MARCHF1: variants seen among roughly 807,000 people sequenced by gnomAD.
MARCHF1 encodes the protein E3 ubiquitin-protein ligase MARCHF1.
MARCHF1 carries 40 observed loss-of-function variants against 54.2 expected under a neutral mutation model. The observed-to-expected ratio is 0.74, with a 90% CI of 0.57 to 0.96. The LOEUF is 0.96. MARCHF1 is among the 40% of genes least tolerant of loss of function. The probability of loss-of-function intolerance (pLI) is 0.00; values close to 1 mark genes in which losing one functional copy is unlikely to be tolerated. For missense variants in MARCHF1, 586 were observed against 656.5 expected (o/e 0.89, Z 1.17); for synonymous variants, 236 against 236.3 (o/e 1.00, Z 0.01).
chr4:163,984,355 A>C (rs1189983585), intron 3 of MARCHF1, among the ~76,000 whole-genome samples: 1 of 152,266 alleles, frequency 6.6e-6, no homozygotes, highest in Non-Finnish European at 1.5e-5. Flanking sequence ...TTTCTAAAGC[A>C]TGATAGCCAT....
chr4:164,123,950 C>T (rs975400582), intron 1 of MARCHF1, among the ~76,000 whole-genome samples: 7 of 151,944 alleles, frequency 4.6e-5, no homozygotes, highest in Non-Finnish European at 1.0e-4. Flanking sequence ...AAACAATCAA[C>T]AAAGTGAAGA....
rs145559712 is a variant in MARCHF1, at chr4:163,685,207, CT to C, written c.162+15605del. Among the ~76,000 whole-genome samples the C allele has an allele frequency of 4.5e-3, 672 of 148,320 alleles. 5 individuals carry two copies. Among genetic ancestry groups the C allele is most frequent in the African/African-American group, 0.015 (601 of 40,680 alleles). On this transcript the variant is annotated intron_variant, in intron 5 of 9. Transcript: ENST00000514618. ...ACAAAAAATATCTGGTTTTATTACA[CT>C]TTTTTTTTTGCATAAAGGTGCAGTT...
chr4:164,319,608 A>T (rs1236685036), intron 1 of MARCHF1, among the ~76,000 whole-genome samples: 1 of 152,170 alleles, frequency 6.6e-6, no homozygotes, highest in Non-Finnish European at 1.5e-5. Flanking sequence ...AATGTGAAAA[A>T]TGTCAGACCC....
At chr4:164,266,097 TGA>T (rs1733604366) in intron 1 of MARCHF1, among the ~76,000 whole-genome samples, 1 of 152,156 alleles carries the variant, frequency 6.6e-6, no homozygotes, top group Non-Finnish European at 1.5e-5. Context: ...ACTAAATAAA[TGA>T]ACAAGTGAAT....
chr4:164,215,751 C>T (rs1731912925), intron 1 of MARCHF1, among the ~76,000 whole-genome samples: 1 of 152,132 alleles, frequency 6.6e-6, no homozygotes, highest in Non-Finnish European at 1.5e-5. Context: ...AGCCAGAGCA[C>T]AAGGACAAAA....
intron 1 of MARCHF1, among the ~76,000 whole-genome samples, chr4:164,225,361 C>T (rs546002846): frequency 1.3e-5 from 2 of 152,140 alleles, no homozygotes; most frequent in East Asian, 3.9e-4. Context: ...CTCTAACTGC[C>T]TATTTCTATT....
Position 164,061,981 on chromosome 4 carries a change from A to G in MARCHF1, c.-248+49607T>C, listed in dbSNP as rs1208855115. On this transcript the variant is annotated intron_variant, in intron 2 of 9. Coordinates refer to ENST00000514618, the MANE Select transcript of MARCHF1 (RefSeq NM_001394959.1). Reference sequence around the variant, plus strand: ...TTCCTTTCATGAAAGATTATTCTGTAGTATGTGTTTGATAGAATTTTACCC... The same window carrying G: ...TTCCTTTCATGAAAGATTATTCTGTGGTATGTGTTTGATAGAATTTTACCC... 5.3e-5 allele frequency among the ~76,000 whole-genome samples: 8 copies of G among 152,290 alleles called. No individual in the cohort carries two copies. The East Asian group carries it at 1.5e-3, about 29-fold the overall frequency.
chr4:163,720,260 C>T (rs1400620629), intron 4 of MARCHF1, among the ~76,000 whole-genome samples: 1 of 152,166 alleles, frequency 6.6e-6, no homozygotes, highest in African/African-American at 2.4e-5. Context: ...AGCCAGTTTT[C>T]CCAGCACCAC....
chr4:164,210,022 A>G (rs1004171647), intron 1 of MARCHF1, among the ~76,000 whole-genome samples: 1 of 152,176 alleles, frequency 6.6e-6, no homozygotes, highest in Non-Finnish European at 1.5e-5. Flanking sequence ...TGTTTTCTAC[A>G]TTTTTTATGA....
At chr4:164,241,668 G>C (rs545753491) in intron 1 of MARCHF1, among the ~76,000 whole-genome samples, 7 of 152,022 alleles carry the variant, frequency 4.6e-5, no homozygotes, top group Admixed American at 1.3e-4. Flanking sequence ...AGCTCCCAGC[G>C]TGAGCTACGC....
intron 9 of MARCHF1, among the ~76,000 whole-genome samples, chr4:163,539,427 C>T (rs535180542): frequency 9.4e-4 from 143 of 152,300 alleles, no homozygotes; most frequent in African/African-American, 3.1e-3. Flanking sequence ...AACAAATTAA[C>T]GGTGCGTGAC....
chr4:164,274,853 T>C (rs1367339934), intron 1 of MARCHF1, among the ~76,000 whole-genome samples: 1 of 150,810 alleles, frequency 6.6e-6, no homozygotes, highest in Non-Finnish European at 1.5e-5. Flanking sequence ...ATTTTTTGTA[T>C]TTTTAGTAGA....
chr4:164,355,403 G>C (rs1188147770), intron 1 of MARCHF1, among the ~76,000 whole-genome samples: 1 of 122,980 alleles, frequency 8.1e-6, no homozygotes, highest in East Asian at 2.5e-4. Flanking sequence ...CATGGTACTG[G>C]TACCAAAACA....
rs150017131 is a variant in MARCHF1 at position 163,827,758 on chromosome 4, C to T, written c.111+26263G>A. 2.7e-3 allele frequency among the ~76,000 whole-genome samples: 404 copies of T among 152,228 alleles called. 3 individuals are homozygous for T. The highest frequency in any genetic ancestry group is 9.3e-3 in the African/African-American group (386 of 41,546). ...TAATTCTTTGTATACTATGTATACA[C>T]TGAACCTTATTTTGCAATTTTGCAA... On this transcript the variant is annotated intron_variant, in intron 4 of 9. Transcript: ENST00000514618.
intron 5 of MARCHF1, among the ~76,000 whole-genome samples, chr4:163,667,388 C>A (rs1435998072): frequency 6.7e-6 from 1 of 149,340 alleles, no homozygotes; most frequent in Non-Finnish European, 1.5e-5. Context: ...ATATCTTCGA[C>A]AACAACAAAA....
Position 164,229,424 on chromosome 4 carries a change from C to G in MARCHF1, c.-322-117762G>C, listed in dbSNP as rs543990915. ...GGGCTTGAGGCCAGCTGCCAATAGC[C>G]AATGGGGGACTGAGGCCTTTGGCCA... On this transcript the variant is annotated intron_variant, in intron 1 of 9. Transcript: ENST00000514618. 1.5e-3 allele frequency among the ~76,000 whole-genome samples: 221 copies of G among 152,190 alleles called. No individual in the cohort carries two copies. In the Middle Eastern group the frequency reaches 0.027, roughly 19 times the overall value.
intron 4 of MARCHF1, among the ~76,000 whole-genome samples, chr4:163,713,386 G>A (rs1006545297): frequency 6.6e-6 from 1 of 152,256 alleles, no homozygotes; most frequent in South Asian, 2.1e-4. Flanking sequence ...TATACCACTT[G>A]TGGTGCAATC....
At chr4:163,811,480 A>G (rs575227888) in intron 4 of MARCHF1, among the ~76,000 whole-genome samples, 5 of 152,164 alleles carry the variant, frequency 3.3e-5, no homozygotes, top group African/African-American at 9.6e-5. Context: ...GGCCAGCAAC[A>G]TAGTGAGAAA....
intron 1 of MARCHF1, among the ~76,000 whole-genome samples, chr4:164,119,048 G>T (rs2915264): frequency 0.98 from 148,681 of 151,386 alleles, 73,091 homozygotes; most frequent in East Asian, 1. Flanking sequence ...TACATTAAGG[G>T]TTTTTGCATA....
Sources: allele counts gnomAD v4.1 joint callset (sites outside exome capture counted in the v4.1 genomes callset), GRCh38; gene constraint gnomAD v4.1.1; transcripts MANE v1.5; gene names NCBI Gene and HGNC (gene_info 2026-07-23, HGNC 2026-07-21).